IL1RAPL2: variants seen among roughly 807,000 people sequenced by gnomAD.
The protein encoded by IL1RAPL2 is X-linked interleukin-1 receptor accessory protein-like 2.
Under a neutral mutation model 44.1 loss-of-function variants are expected in IL1RAPL2, and 3 were observed. The ratio of observed to expected loss-of-function variants is 0.07; its 90% CI spans 0.03 to 0.18. IL1RAPL2 has a LOEUF of 0.18. IL1RAPL2 is among the 10% of genes least tolerant of loss of function. IL1RAPL2 has a pLI of 1.00. For missense variants in IL1RAPL2, 391 were observed against 496.4 expected, an observed-to-expected ratio of 0.79 and a Z score of 2.02; for synonymous variants, 181 against 178.8, an observed-to-expected ratio of 1.01 and a Z score of -0.10.
intron 5 of IL1RAPL2, among the ~76,000 whole-genome samples, chrX:105,426,603 T>G (rs1283261061): frequency 9.0e-6 from 1 of 111,505 alleles, no homozygotes; most frequent in Non-Finnish European, 1.9e-5. Flanking sequence ...ATTTACTTCT[T>G]TATTGCCTGC....
chrX:105,616,622 T>C, intron 6 of IL1RAPL2, among the ~76,000 whole-genome samples: 1 of 111,352 alleles, frequency 9.0e-6, no homozygotes, highest in East Asian at 2.8e-4. Flanking sequence ...CCATTTTTAT[T>C]GGGTGATTTT....
chrX:104,735,642 A>T (rs1005087637), intron 2 of IL1RAPL2, among the ~76,000 whole-genome samples: 10 of 111,770 alleles, frequency 8.9e-5, no homozygotes, highest in African/African-American at 3.3e-4. Flanking sequence ...AGAATAACTC[A>T]GTGCAATAAT....
chrX:105,415,840 A>G (rs1043439106), intron 5 of IL1RAPL2, among the ~76,000 whole-genome samples: 4 of 111,877 alleles, frequency 3.6e-5, no homozygotes, highest in Non-Finnish European at 7.5e-5. Flanking sequence ...TTGTTTTTCT[A>G]GGTTTTGTTT....
intron 5 of IL1RAPL2, among the ~76,000 whole-genome samples, chrX:105,353,362 T>A (rs1490886169): frequency 1.8e-5 from 2 of 111,469 alleles, no homozygotes; most frequent in South Asian, 3.8e-4. Flanking sequence ...AGTCAGGTAG[T>A]GTGATGCCTC....
intron 2 of IL1RAPL2, among the ~76,000 whole-genome samples, chrX:104,853,470 A>C (rs772476857): frequency 5.4e-5 from 6 of 111,196 alleles, no homozygotes; most frequent in Admixed American, 1.9e-4. Context: ...CCGATAAGGA[A>C]TGATGAAGGG....
chrX:104,807,511 A>G (rs1932930887), intron 2 of IL1RAPL2, among the ~76,000 whole-genome samples: 1 of 111,647 alleles, frequency 9.0e-6, no homozygotes, highest in African/African-American at 3.3e-5. Flanking sequence ...TCCTTTGAAA[A>G]TGCTCAATAT....
At chrX:105,324,999 T>G (rs945034940) in intron 5 of IL1RAPL2, among the ~76,000 whole-genome samples, 1 of 112,138 alleles carries the variant, frequency 8.9e-6, no homozygotes, top group African/African-American at 3.2e-5. Context: ...CCTATATTTC[T>G]TCTAACATGG....
intron 2 of IL1RAPL2, among the ~76,000 whole-genome samples, chrX:104,946,975 C>T (rs1383225893): frequency 1.0e-5 from 1 of 97,963 alleles, no homozygotes; most frequent in South Asian, 5.5e-4. Flanking sequence ...GTTCTAGATC[C>T]CTGAGGAATC....
intron 2 of IL1RAPL2, among the ~76,000 whole-genome samples, chrX:104,835,961 A>T (rs762189009): frequency 3.6e-5 from 4 of 111,934 alleles, no homozygotes; most frequent in Non-Finnish European, 7.5e-5. Context: ...TCAAGATGTG[A>T]CATTAAAGGG....
At chrX:105,587,143 T>G (rs1333208794) in intron 6 of IL1RAPL2, among the ~76,000 whole-genome samples, 1 of 112,042 alleles carries the variant, frequency 8.9e-6, no homozygotes, top group African/African-American at 3.2e-5. Context: ...TCTGGCCCTA[T>G]TACTTTATCA....
chrX:104,836,837 G>T, intron 2 of IL1RAPL2, among the ~76,000 whole-genome samples: 1 of 110,735 alleles, frequency 9.0e-6, no homozygotes, highest in Non-Finnish European at 1.9e-5. Context: ...CCATCATGTA[G>T]GTTTTAAGCC....
rs1414407714 is a variant in IL1RAPL2, at chrX:105,247,601, A to ATG, written c.543+13598_543+13599insGT. Among the ~76,000 whole-genome samples the ATG allele has an allele frequency of 3.3e-4, 31 of 93,589 alleles. 1 individual carries two copies. The highest frequency in any genetic ancestry group is 5.1e-4 in the Non-Finnish European group (25 of 49,177). 81.3% of individuals were successfully genotyped at this position (93,589 alleles called of 115,157 possible). ...AATAGAAGTGTGTGTGTATATATAT[A>ATG]TATGTGTGTGTGTGTGTGTGTGTGT... On this transcript the variant is annotated intron_variant, in intron 4 of 10. Coordinates refer to ENST00000372582, the MANE Select transcript of IL1RAPL2 (RefSeq NM_017416.2).
chrX:104,617,437 G>C (rs1929302496), intron 1 of IL1RAPL2, among the ~76,000 whole-genome samples: 1 of 111,978 alleles, frequency 8.9e-6, no homozygotes, highest in Non-Finnish European at 1.9e-5. Flanking sequence ...AAATTTTCTT[G>C]AATTATTCCC....
chrX:105,176,483 C>T (rs1215251345), intron 2 of IL1RAPL2, among the ~76,000 whole-genome samples: 1 of 110,682 alleles, frequency 9.0e-6, no homozygotes, highest in Non-Finnish European at 1.9e-5. Flanking sequence ...CCAGTCCTGG[C>T]CCCGAGAAGC....
chrX:105,766,488 C>T (rs1287077721), intron 10 of IL1RAPL2, among the ~76,000 whole-genome samples: 1 of 110,521 alleles, frequency 9.0e-6, no homozygotes, highest in East Asian at 2.8e-4. Context: ...AAACTAGGGG[C>T]CATACATACA....
At chrX:104,889,610 C>G (rs1923358446) in intron 2 of IL1RAPL2, among the ~76,000 whole-genome samples, 1 of 111,138 alleles carries the variant, frequency 9.0e-6, no homozygotes, top group African/African-American at 3.3e-5. Flanking sequence ...CAGTACCCCT[C>G]AAAGTTAAGT....
chrX:105,634,661 C>T (rs947536965), intron 6 of IL1RAPL2, among the ~76,000 whole-genome samples: 1 of 111,030 alleles, frequency 9.0e-6, no homozygotes, highest in African/African-American at 3.3e-5. Flanking sequence ...ACATAATAAT[C>T]CTTACAAAAG....
chrX:104,778,127 G>T (rs1319542748), intron 2 of IL1RAPL2, among the ~76,000 whole-genome samples: 1 of 109,910 alleles, frequency 9.1e-6, no homozygotes, highest in Admixed American at 9.7e-5. Flanking sequence ...TGTGCATTTT[G>T]GCCATTTGTA....
At chrX:104,816,807 T>G (rs2147621421) in intron 2 of IL1RAPL2, among the ~76,000 whole-genome samples, 1 of 112,162 alleles carries the variant, frequency 8.9e-6, no homozygotes, top group African/African-American at 3.2e-5. Context: ...CTTTCTCAAC[T>G]TAACTTTCAA....
Sources: gnomAD v4.1 joint callset for allele counts (sites outside exome capture counted in the v4.1 genomes callset) on GRCh38, gnomAD v4.1.1 for gene constraint, MANE v1.5 for transcripts, NCBI Gene and HGNC (gene_info 2026-07-23, HGNC 2026-07-21) for gene names.